Variants in CFAP47 observed in about 807,000 individuals in gnomAD.
CFAP47 encodes the protein cilia- and flagella-associated protein 47.
CFAP47 carries 29 observed loss-of-function variants against 148.1 expected under a neutral mutation model. The ratio of observed to expected loss-of-function variants is 0.20; its 90% CI spans 0.15 to 0.27. The LOEUF (loss-of-function observed/expected upper bound fraction) is 0.27. CFAP47 is among the 10% of genes least tolerant of loss of function. CFAP47 has a pLI of 1.00. For synonymous variants in CFAP47, 664 were observed against 577.3 expected (o/e 1.15, Z -2.15); for missense variants, 1,872 against 1,697.5 (o/e 1.10, Z -1.81).
At chrX:36,102,638 A>G (rs952611525) in intron 32 of CFAP47, among the ~76,000 whole-genome samples, 2 of 111,481 alleles carry the variant, frequency 1.8e-5, no homozygotes, top group African/African-American at 3.3e-5. Flanking sequence ...TCTTATTTGC[A>G]GAGTAGAAGT....
chrX:36,250,861 T>C (rs1330847348), intron 48 of CFAP47, among the ~76,000 whole-genome samples: 1 of 111,129 alleles, frequency 9.0e-6, no homozygotes, highest in Non-Finnish European at 1.9e-5. Flanking sequence ...TAGGAAGATA[T>C]AAGCACGCAG....
rs192563674 is a variant in CFAP47 at position 36,181,548 on chromosome X, C to T, written c.6104+2126C>T. Among the ~76,000 whole-genome samples, 206 of 111,643 alleles carry T rather than the reference C, an allele frequency of 1.8e-3. 1 individual carries two copies. Among genetic ancestry groups the T allele is most frequent in the African/African-American group, 6.4e-3 (198 of 30,838 alleles). On this transcript the variant is annotated intron_variant, in intron 40 of 63. Coordinates refer to ENST00000378653, the MANE Select transcript of CFAP47 (RefSeq NM_001304548.2). ...ATTGATCATTCTTTCTAATTAGTGT[C>T]ATACATTTTATTTATAATGCTATAC...
chrX:36,246,285 A>G (rs1278967492), intron 48 of CFAP47, among the ~76,000 whole-genome samples: 2 of 111,844 alleles, frequency 1.8e-5, no homozygotes, highest in Non-Finnish European at 3.8e-5. Context: ...GAAGACATAC[A>G]AATGTCCAAC....
intron 62 of CFAP47, among the ~76,000 whole-genome samples, chrX:36,375,393 T>G (rs73201107): frequency 0.06 from 6,682 of 112,112 alleles, 401 homozygotes; most frequent in African/African-American, 0.18. Context: ...GTAAGAATAC[T>G]TGATATAATT....
chrX:36,333,859 G>C (rs1941583900), intron 57 of CFAP47, among the ~76,000 whole-genome samples: 2 of 111,034 alleles, frequency 1.8e-5, no homozygotes, highest in Non-Finnish European at 3.8e-5. Flanking sequence ...TCAATTTCAT[G>C]GTCCATAGGT....
chrX:36,199,844 G>C (rs782060461), intron 42 of CFAP47, among the ~76,000 whole-genome samples: 4 of 111,327 alleles, frequency 3.6e-5, no homozygotes, highest in Non-Finnish European at 5.7e-5. Flanking sequence ...GCCTCTCTGG[G>C]ACGGATAATT....
chrX:35,956,321 C>A, intron 8 of CFAP47, 125 bp downstream of exon 8: 2 of 538,000 alleles, frequency 3.7e-6, no homozygotes, highest in Non-Finnish European at 6.0e-6. Context: ...CTTCTGCAGC[C>A]TAGTTATGAA....
At chrX:36,174,359 A>C (rs1308748666) in intron 39 of CFAP47, among the ~76,000 whole-genome samples, 1 of 107,891 alleles carries the variant, frequency 9.3e-6, no homozygotes, top group Non-Finnish European at 1.9e-5. Flanking sequence ...TTAGCTGGTT[A>C]TTTTGCTCGT....
At chrX:36,315,366 C>T (rs1382766330) in intron 56 of CFAP47, among the ~76,000 whole-genome samples, 5 of 111,722 alleles carry the variant, frequency 4.5e-5, no homozygotes, top group Admixed American at 3.8e-4. Context: ...AGTGGCTTGC[C>T]CTTCACTCAA....
chrX:36,210,789 G>A (rs781959878), intron 45 of CFAP47, among the ~76,000 whole-genome samples: 1 of 112,197 alleles, frequency 8.9e-6, no homozygotes, highest in African/African-American at 3.2e-5. Context: ...CCAAATGTGA[G>A]GTCATGAAGA....
intron 33 of CFAP47, among the ~76,000 whole-genome samples, chrX:36,121,414 T>A (rs967144295): frequency 9.0e-6 from 1 of 111,492 alleles, no homozygotes; most frequent in Admixed American, 9.6e-5. Context: ...TTGCTTGTTT[T>A]CTGGTTGTTT....
chrX:36,144,406 A>G (rs368790807), intron 35 of CFAP47, among the ~76,000 whole-genome samples: 5 of 112,539 alleles, frequency 4.4e-5, no homozygotes, highest in Non-Finnish European at 9.4e-5. Context: ...GTCAATCACA[A>G]ATATTTTAAA....
chrX:36,159,055 A>AT (rs758307554), intron 37 of CFAP47, among the ~76,000 whole-genome samples: 3 of 111,332 alleles, frequency 2.7e-5, no homozygotes, highest in African/African-American at 9.8e-5. Context: ...CATTTTTTGA[A>AT]TTTTTACTTT....
chrX:36,295,999 T>G (rs1556006639), intron 51 of CFAP47, among the ~76,000 whole-genome samples: 1 of 112,003 alleles, frequency 8.9e-6, no homozygotes. Context: ...ATTCCAGAGA[T>G]TTTCAAGAGA....
At chrX:35,968,739 A>C (rs756410268) in intron 10 of CFAP47, among the ~76,000 whole-genome samples, 6 of 110,875 alleles carry the variant, frequency 5.4e-5, no homozygotes, top group Admixed American at 1.9e-4. Context: ...TATTTTACAA[A>C]TTCCATCCAA....
intron 49 of CFAP47, among the ~76,000 whole-genome samples, chrX:36,278,550 G>A (rs188213368): frequency 2.7e-5 from 3 of 112,367 alleles, no homozygotes; most frequent in African/African-American, 9.7e-5. Context: ...TGCTTCCTAG[G>A]TGAGGCGATG....
At chrX:36,231,717 T>C (rs1339732937) in intron 46 of CFAP47, among the ~76,000 whole-genome samples, 1 of 111,485 alleles carries the variant, frequency 9.0e-6, no homozygotes, top group Non-Finnish European at 1.9e-5. Context: ...GCTTCCAGTT[T>C]TTGCCCATTC....
At chrX:36,096,097 A>T (rs1601974835) in intron 30 of CFAP47, among the ~76,000 whole-genome samples, 1 of 111,108 alleles carries the variant, frequency 9.0e-6, no homozygotes, top group Admixed American at 9.6e-5. Context: ...TCCTTAATTT[A>T]TTCATTGAAC....
At chrX:36,291,990 GTTTTC>G (rs1300069385) in intron 51 of CFAP47, among the ~76,000 whole-genome samples, 3 of 111,163 alleles carry the variant, frequency 2.7e-5, no homozygotes, top group African/African-American at 9.8e-5. Flanking sequence ...ATTTTTAATA[GTTTTC>G]TTTTCTCTCT....
Sources: allele counts gnomAD v4.1 joint callset (sites outside exome capture counted in the v4.1 genomes callset), GRCh38; gene constraint gnomAD v4.1.1; transcripts MANE v1.5; gene names NCBI Gene and HGNC (gene_info 2026-07-23, HGNC 2026-07-21).